GLIS1: variants seen among roughly 807,000 people sequenced by gnomAD.
GLIS1 encodes the protein GLIS family zinc finger 1, also known as zinc finger protein GLIS1.
In GLIS1, 24 loss-of-function variants were observed where a neutral mutation model predicts 63.8. That is an observed-to-expected ratio of 0.38 (90% CI 0.27 to 0.53). The LOEUF (loss-of-function observed/expected upper bound fraction) is 0.53. Ranked by LOEUF, GLIS1 falls within the 20% of genes least tolerant of loss-of-function variation. The probability of loss-of-function intolerance (pLI) is 0.85; values close to 1 mark genes in which losing one functional copy is unlikely to be tolerated. For synonymous variants in GLIS1, 450 were observed against 482.5 expected, an observed-to-expected ratio of 0.93 and a Z score of 0.88; for missense variants, 1,036 against 1,074.1, an observed-to-expected ratio of 0.96 and a Z score of 0.50.
chr1:53,693,302 T>C (rs946086791), intron 2 of GLIS1, among the ~76,000 whole-genome samples: 2 of 152,224 alleles, frequency 1.3e-5, no homozygotes, highest in Non-Finnish European at 2.9e-5. Flanking sequence ...CAGGTCTCCC[T>C]GGGGGCATTC....
intron 2 of GLIS1, among the ~76,000 whole-genome samples, chr1:53,736,465 T>C (rs1331668560): frequency 1.3e-5 from 2 of 152,126 alleles, no homozygotes; most frequent in Non-Finnish European, 2.9e-5. Flanking sequence ...AAGGGAGGAT[T>C]GTGTATGGAG....
At position 53,526,942 on chromosome 1, in the gene GLIS1, G is replaced by T. The variant is rs188494861; in HGVS notation, c.1483-2055C>A. On this transcript the variant is annotated intron_variant, in intron 5 of 10. Coordinates refer to ENST00000628545, the MANE Select transcript of GLIS1 (RefSeq NM_001367484.1). This position sits in a 1 kb window ranked among gnomAD's most constrained non-coding sequence, Gnocchi z 4.4. ...AGCGCCGGGCGGCCTCCCTCTGTCT[G>T]TAATGAGGACGCTCCGGGTGAGTCT... 5.3e-5 allele frequency among the ~76,000 whole-genome samples: 8 copies of T among 152,364 alleles called. No homozygotes were observed. Among genetic ancestry groups the T allele is most frequent in the African/African-American group, 1.4e-4 (6 of 41,592 alleles).
chr1:53,681,395 A>C (rs1049433920), intron 2 of GLIS1, among the ~76,000 whole-genome samples: 1 of 152,206 alleles, frequency 6.6e-6, no homozygotes, highest in Admixed American at 6.5e-5. Flanking sequence ...ACCGCCCCTC[A>C]CTGGCCGCCC....
intron 2 of GLIS1, among the ~76,000 whole-genome samples, chr1:53,606,665 G>A (rs2100562840): frequency 6.6e-6 from 1 of 152,366 alleles, no homozygotes; most frequent in Non-Finnish European, 1.5e-5. Flanking sequence ...CAGGAAGGTG[G>A]ACAGCCCGGT....
chr1:53,616,679 C>T (rs2141083), intron 2 of GLIS1, among the ~76,000 whole-genome samples: 61,521 of 151,802 alleles, frequency 0.41, 13,240 homozygotes, highest in African/African-American at 0.55. Flanking sequence ...ATGAGAAGGA[C>T]TGGTAGCTCT....
intron 2 of GLIS1, among the ~76,000 whole-genome samples, chr1:53,661,764 G>A (rs17109040): frequency 0.017 from 2,615 of 152,276 alleles, 59 homozygotes; most frequent in African/African-American, 0.058. Context: ...CCTACCGCAC[G>A]GCAAGTAGCA....
At chr1:53,519,741 G>A (rs887578206) in intron 7 of GLIS1, among the ~76,000 whole-genome samples, 1 of 152,174 alleles carries the variant, frequency 6.6e-6, no homozygotes, top group Admixed American at 6.5e-5. Flanking sequence ...AGAGTCCCAG[G>A]GGCTCTGGGG....
At chr1:53,709,535 G>A (rs1358418334) in intron 2 of GLIS1, among the ~76,000 whole-genome samples, 1 of 151,892 alleles carries the variant, frequency 6.6e-6, no homozygotes, top group Admixed American at 6.6e-5. Flanking sequence ...AGATGGGTGG[G>A]TGGGTTAGAC....
At chr1:53,604,736 G>A (rs1645351796) in intron 2 of GLIS1, among the ~76,000 whole-genome samples, 1 of 152,112 alleles carries the variant, frequency 6.6e-6, no homozygotes, top group South Asian at 2.1e-4. Context: ...GAGAGGGCAG[G>A]TGATTTGCCC....
intron 4 of GLIS1, among the ~76,000 whole-genome samples, chr1:53,555,831 GGT>G (rs1422571301): frequency 6.9e-6 from 1 of 144,144 alleles, no homozygotes. Context: ...GTGTACTGCA[GGT>G]GTGTGTGTGT....
At chr1:53,553,133 T>A (rs1169563082) in intron 4 of GLIS1, among the ~76,000 whole-genome samples, 1 of 152,290 alleles carries the variant, frequency 6.6e-6, no homozygotes, top group East Asian at 1.9e-4. Context: ...AAGATGTAGA[T>A]GAACCCCATC....
chr1:53,520,737 G>C lies in GLIS1; in HGVS notation c.1623C>G (p.Asp541Glu), dbSNP rs372024955. 1 of 1,607,402 alleles carries C rather than the reference G, an allele frequency of 6.2e-7. No individual in the cohort carries two copies. Among genetic ancestry groups the C allele is most frequent in the Non-Finnish European group, 8.5e-7 (1 of 1,177,408 alleles). The change falls in exon 7 of 11, where the codon GAC (aspartate) becomes GAG (glutamate). Residue 541 changes from aspartate (D) to glutamate (E), a missense_variant. Asp to Glu is a conservative substitution (Grantham distance 45). Coordinates refer to ENST00000628545, the MANE Select transcript of GLIS1 (RefSeq NM_001367484.1). ...KLHAGPDTEA[D>E]VLTECLVLQQ... ...GCAGGACCAGACACTCGGTCAGGACGTCGGCCTCGGTGTCAGGGCCCGCAT... is the reference window on the plus strand; with the variant it reads ...GCAGGACCAGACACTCGGTCAGGACCTCGGCCTCGGTGTCAGGGCCCGCAT...
intron 4 of GLIS1, among the ~76,000 whole-genome samples, chr1:53,591,582 AGCTGTGTGACCTG>A (rs1645193587): frequency 6.6e-6 from 1 of 152,224 alleles, no homozygotes; most frequent in Admixed American, 6.5e-5. Flanking sequence ...GTTTCCAACT[AGCTGTGTGACCTG>A]GGGCAAATTA....
In GLIS1 at chr1:53,652,795, G is replaced by GA. The variant is rs199870092; in HGVS notation, c.260-52518dup. Among the ~76,000 whole-genome samples, 7 of 152,276 alleles carry GA rather than the reference G, an allele frequency of 4.6e-5. 1 individual carries two copies. In the East Asian group the frequency reaches 1.2e-3, roughly 25 times the overall value. On this transcript the variant is annotated intron_variant, in intron 2 of 10. Coordinates refer to ENST00000628545, the MANE Select transcript of GLIS1 (RefSeq NM_001367484.1). The stretch of plus-strand genomic sequence containing the variant: ...ACCTGGACCCTGGGGCCAGTCCTAG[G>GA]ATGACATGAGGACCAGCTAAGGCCC...
rs41313369 is a variant in GLIS1, at chr1:53,514,716, C to T, written c.1792G>A (p.Asp598Asn). ...LASGLLPPAH[D>N]VPSRHHPLDA... is the part of the protein sequence containing the mutation. Reference sequence around the variant, plus strand: ...AGCGGGTGGTGCCTGGAAGGTACGTCGTGCGCTGGGGGCAGGAGGCCCGAT... The same window carrying T: ...AGCGGGTGGTGCCTGGAAGGTACGTTGTGCGCTGGGGGCAGGAGGCCCGAT... The change falls in exon 8 of 11, where the codon GAC becomes AAC. Residue 598 changes from aspartate to asparagine, a missense_variant. Around this residue, in one of 3 missense-constraint regions of GLIS1, gnomAD observed 400 missense variants for 400.9 expected, o/e 1.00. Transcript: ENST00000628545. 0.086 allele frequency: 137,967 copies of T among 1,613,106 alleles called. 6,503 individuals are homozygous for T. Among genetic ancestry groups the T allele is most frequent in the Non-Finnish European group, 0.096 (113,663 of 1,179,632 alleles).
At chr1:53,677,894 C>T (rs1247831436) in intron 2 of GLIS1, among the ~76,000 whole-genome samples, 7 of 152,306 alleles carry the variant, frequency 4.6e-5, no homozygotes, top group South Asian at 2.1e-4. Flanking sequence ...GCCTCCAAAA[C>T]GTACTTTCCC....
chr1:53,642,732 C>T (rs560086756), intron 2 of GLIS1, among the ~76,000 whole-genome samples: 17 of 152,280 alleles, frequency 1.1e-4, no homozygotes, highest in Admixed American at 1.0e-3. Flanking sequence ...ACACCCTTCC[C>T]ACTGCAGTTT....
chr1:53,513,063 C>T (rs1231319754), intron 8 of GLIS1, among the ~76,000 whole-genome samples: 1 of 152,078 alleles, frequency 6.6e-6, no homozygotes, highest in Non-Finnish European at 1.5e-5. Context: ...CCTTTGCACC[C>T]CCTTCAGGCT....
chr1:53,711,049 C>G, intron 2 of GLIS1, among the ~76,000 whole-genome samples: 1 of 152,124 alleles, frequency 6.6e-6, no homozygotes, highest in Non-Finnish European at 1.5e-5. Context: ...ACCACTCACA[C>G]CCTATCACAG....
Sources: allele counts gnomAD v4.1 joint callset (sites outside exome capture counted in the v4.1 genomes callset), GRCh38; gene constraint gnomAD v4.1.1; regional missense constraint gnomAD v4.1.1; non-coding constraint Gnocchi (gnomAD v3.1); transcripts MANE v1.5; gene names NCBI Gene and HGNC (gene_info 2026-07-23, HGNC 2026-07-21).